Variants in KBTBD4 observed in about 807,000 individuals in gnomAD.
KBTBD4 encodes kelch repeat and BTB domain-containing protein 4.
A neutral mutation model predicts 43.9 loss-of-function variants in KBTBD4; 30 were observed. The ratio of observed to expected loss-of-function variants is 0.68; its 90% CI spans 0.51 to 0.93. The LOEUF is 0.93. KBTBD4 is among the 40% of genes least tolerant of loss of function. The pLI, the probability that KBTBD4 is intolerant of heterozygous loss-of-function variation, is 0.00. For synonymous variants in KBTBD4, 258 were observed against 256.9 expected (o/e 1.00, Z -0.04); for missense variants, 575 against 668.8 (o/e 0.86, Z 1.55).
chr11:47,576,861 G>A (rs974829843), intron 2 of KBTBD4, among the ~76,000 whole-genome samples: 6 of 151,984 alleles, frequency 3.9e-5, no homozygotes, highest in Non-Finnish European at 7.4e-5. Flanking sequence ...ATTTTTTGTG[G>A]AGACGGGATT....
intron 1 of KBTBD4, chr11:47,578,344 A>T: frequency 1.8e-6 from 1 of 568,794 alleles, no homozygotes; most frequent in Non-Finnish European, 3.1e-6. Context: ...ATGAAAGCAA[A>T]GGGCTGGGAG....
intron 2 of KBTBD4, 73 bp downstream of exon 2, chr11:47,577,338 C>T: frequency 6.9e-7 from 1 of 1,445,910 alleles, no homozygotes; most frequent in South Asian, 1.4e-5. Flanking sequence ...GGGTTCTTTT[C>T]TCCTAAACTA....
rs1354986037 is a variant in KBTBD4, at chr11:47,573,534, C to T, written c.1001G>A (p.Arg334Gln). The part of the protein sequence containing the change: ...WEWCAPLPRD[R>Q]LQHTLVSVPG... ...CACAGACACCAGGGTGTGCTGGAGC[C>T]GGTCCCGAGGCAAAGGAGCACACCA... The change falls in exon 4 of 4, where the codon CGG becomes CAG. Residue 334 changes from arginine to glutamine, a missense_variant. By Grantham distance (43) the Arg-to-Gln change is conservative. Transcript: ENST00000430070. The surrounding 1 kb of genome is among the most constrained non-coding windows in gnomAD (Gnocchi z 4.1). 4.3e-6 allele frequency: 7 copies of T among 1,614,034 alleles called. No individual in the cohort carries two copies. The highest frequency in any genetic ancestry group is 2.2e-5 in the East Asian group (1 of 44,898).
At position 47,577,913 on chromosome 11, in the gene KBTBD4, A is replaced by G. The variant is rs927142894; in HGVS notation, c.135T>C (p.Arg45=). Reference sequence around the variant, plus strand: ...ACAGTTTCATGATGCCTTGAGCCACACGGCCTGAATGTGACCGATCTTTGA... The same window carrying G: ...ACAGTTTCATGATGCCTTGAGCCACGCGGCCTGAATGTGACCGATCTTTGA... ...YTFKDRSHSG[R]VAQGIMKLCL... The change falls in exon 2 of 4, where the codon CGT becomes CGC. Residue 45 remains arginine, a synonymous_variant. Coordinates refer to ENST00000430070, the MANE Select transcript of KBTBD4 (RefSeq NM_018095.6). 3.1e-6 allele frequency: 5 copies of G among 1,614,074 alleles called. No individual in the cohort carries two copies. The African/African-American group carries it at 6.7e-5, about 22-fold the overall frequency.
Position 47,573,834 on chromosome 11 carries a change from G to C in KBTBD4, c.745-44C>G. On this transcript the variant is annotated intron_variant, in intron 3 of 3. Coordinates refer to ENST00000430070, the MANE Select transcript of KBTBD4 (RefSeq NM_018095.6). The surrounding 1 kb of genome is among the most constrained non-coding windows in gnomAD (Gnocchi z 4.1). ...TTATATGACAGCTGTTAAATTCTAG[G>C]CTAAGGCTCAGCTAAGACACATATC... is the stretch of plus-strand genomic sequence containing the variant. The C allele has an allele frequency of 6.6e-7, 1 of 1,525,602 alleles. No homozygotes were observed. Among genetic ancestry groups the C allele is most frequent in the Non-Finnish European group, 8.8e-7 (1 of 1,132,404 alleles). 94.5% of individuals were successfully genotyped at this position (1,525,602 alleles called of 1,614,324 possible). A position where few individuals can be genotyped will look rare whatever the true frequency, so the allele number is the denominator to read the frequency against.
chr11:47,573,172 C>G lies in KBTBD4; in HGVS notation c.1363G>C (p.Asp455His). The G allele has an allele frequency of 6.2e-7, 1 of 1,614,176 alleles. No homozygotes were observed. Residue 455 changes from aspartate (D) to histidine (H), a missense_variant, in exon 4 of 4, where the codon GAC becomes CAC. Asp to His is a moderately conservative substitution (Grantham distance 81). Transcript: ENST00000430070. This position sits in a 1 kb window ranked among gnomAD's most constrained non-coding sequence, Gnocchi z 4.1. ...AAGGGATTGTAGCACACCAGGGAGT[C>G]CCCTTCAGCCACGATGAACACCAGA... Reference protein sequence around the residue: ...KDLVFIVAEGDSLVCYNPLLD... With the variant: ...KDLVFIVAEGHSLVCYNPLLD...
chr11:47,575,931 C>A (rs946839079), intron 2 of KBTBD4, among the ~76,000 whole-genome samples: 2 of 150,214 alleles, frequency 1.3e-5, no homozygotes, highest in African/African-American at 4.9e-5. Flanking sequence ...ATCACCATCA[C>A]CATAGCCTCA....
At chr11:47,578,205 C>A (rs1015733902) in intron 1 of KBTBD4, 177 bp from the exon 2 acceptor site, 13 of 648,900 alleles carry the variant, frequency 2.0e-5, no homozygotes, top group Non-Finnish European at 2.1e-5. Flanking sequence ...AATCTGGGTT[C>A]GTTATCCCCA....
In KBTBD4 at chr11:47,572,966, C is replaced by T. The variant is rs760009912; in HGVS notation, c.1569G>A (p.Lys523=). ...TSAVTVTRGI[K]VLLTNLQFVL... ...CAAACTGCAAATTGGTAAGCAGCAC[C>T]TTAATACCTCTTGTGACAGTTACGG... Residue 523 remains lysine (K), a synonymous_variant, in exon 4 of 4, where the codon AAG becomes AAA. Coordinates refer to ENST00000430070, the MANE Select transcript of KBTBD4 (RefSeq NM_018095.6). The T allele has an allele frequency of 1.2e-6, 2 of 1,614,152 alleles. No homozygotes were observed. Among genetic ancestry groups the T allele is most frequent in the South Asian group, 1.1e-5 (1 of 91,074 alleles).
chr11:47,576,006 C>T (rs532138301), intron 2 of KBTBD4, among the ~76,000 whole-genome samples: 1 of 151,958 alleles, frequency 6.6e-6, no homozygotes, highest in South Asian at 2.1e-4. Flanking sequence ...GTGTGCACCA[C>T]CACGCCTGGC....
chr11:47,573,314 G>A lies in KBTBD4; in HGVS notation c.1221C>T (p.Asp407=). The change falls in exon 4 of 4, where the codon GAC becomes GAT. Residue 407 remains aspartate, a synonymous_variant. Coordinates refer to ENST00000430070, the MANE Select transcript of KBTBD4 (RefSeq NM_018095.6). This position sits in a 1 kb window ranked among gnomAD's most constrained non-coding sequence, Gnocchi z 4.1. ...TGAGTCGGGAAGGTTTGGTAAAGAA[G>A]TCCAGATCATTCTCCTCCCCCCCTA... The part of the protein sequence containing the change: ...YLLGGEENDL[D]FFTKPSRLIQ... The A allele has an allele frequency of 6.2e-7, 1 of 1,614,184 alleles. No individual in the cohort carries two copies. Among genetic ancestry groups the A allele is most frequent in the Non-Finnish European group, 8.5e-7 (1 of 1,180,042 alleles).
In KBTBD4 at chr11:47,573,143, T is replaced by C. The variant is rs2097252470; in HGVS notation, c.1392A>G (p.Leu464=). The C allele has an allele frequency of 6.2e-7, 1 of 1,614,054 alleles. No homozygotes were observed. The highest frequency in any genetic ancestry group is 1.3e-5 in the African/African-American group (1 of 74,920). Residue 464 remains leucine (L), a synonymous_variant, in exon 4 of 4, where the codon CTA becomes CTG. Transcript: ENST00000430070. The surrounding 1 kb of genome is among the most constrained non-coding windows in gnomAD (Gnocchi z 4.1). ...GDSLVCYNPL[L]DSFTRLCLPE... ...GAAGGCAAAGCCGGGTGAAGCTGTCTAGCAAGGGATTGTAGCACACCAGGG... is the reference window on the plus strand; with the variant it reads ...GAAGGCAAAGCCGGGTGAAGCTGTCCAGCAAGGGATTGTAGCACACCAGGG...
chr11:47,573,385 C>T lies in KBTBD4; in HGVS notation c.1150G>A (p.Val384Met), dbSNP rs758643174. The change falls in exon 4 of 4, where the codon GTG (valine) becomes ATG (methionine). Residue 384 changes from valine (V) to methionine (M), a missense_variant. Physicochemically the swap from Val to Met is conservative, Grantham distance 21 (BLOSUM62 1). Transcript: ENST00000430070. The surrounding 1 kb of genome is among the most constrained non-coding windows in gnomAD (Gnocchi z 4.1). ...WTETTQLEVA[V>M]SGAAGANLNG... ...AGGTTGGCACCAGCAGCCCCTGACA[C>T]AGCCACCTCTAGCTGAGTTGTCTCT... The T allele has an allele frequency of 4.3e-6, 7 of 1,614,122 alleles. No homozygotes were observed. The highest frequency in any genetic ancestry group is 5.9e-6 in the Non-Finnish European group (7 of 1,180,050).
rs2097252008 is a variant in KBTBD4 at position 47,572,983 on chromosome 11, C to T, written c.1552G>A (p.Val518Ile). 1.9e-6 allele frequency: 3 copies of T among 1,614,070 alleles called. No homozygotes were observed. The Admixed American group carries it at 5.0e-5, about 27-fold the overall frequency. Residue 518 changes from valine (V) to isoleucine (I), a missense_variant, in exon 4 of 4, where the codon GTC becomes ATC. Transcript: ENST00000430070. ...KLDPATSAVT[V>I]TRGIKVLLTN... The stretch of plus-strand genomic sequence containing the variant: ...AGCAGCACCTTAATACCTCTTGTGA[C>T]AGTTACGGCTGAAGTGGCAGGGTCA...
At chr11:47,575,988 G>C (rs1429895112) in intron 2 of KBTBD4, among the ~76,000 whole-genome samples, 1 of 151,648 alleles carries the variant, frequency 6.6e-6, no homozygotes, top group South Asian at 2.1e-4. Flanking sequence ...AAGTAGCTGG[G>C]ACTACAGGTG....
At position 47,578,016 on chromosome 11, in the gene KBTBD4, C is replaced by G. The variant is rs774601806; in HGVS notation, c.32G>C (p.Arg11Thr). ...TGATTCCATGCTAGCCAACTTCTCT[C>G]TCTGCCAGCTGTCTGCAAAGCAACA... is the stretch of plus-strand genomic sequence containing the variant. MKGGNADSWQREKLASMESPE... is the reference protein window; with the variant it reads MKGGNADSWQTEKLASMESPE... The change falls in exon 2 of 4, where the codon AGA becomes ACA. Residue 11 changes from arginine to threonine, a missense_variant. Physicochemically the swap from Arg to Thr is moderately conservative, Grantham distance 71. Transcript: ENST00000430070. The G allele has an allele frequency of 6.2e-7, 1 of 1,614,202 alleles. No individual in the cohort carries two copies. The highest frequency in any genetic ancestry group is 1.1e-5 in the South Asian group (1 of 91,086).
intron 1 of KBTBD4, 69 bp from the exon 2 acceptor site, chr11:47,578,097 A>G (rs754097021): frequency 1.3e-6 from 2 of 1,565,640 alleles, no homozygotes; most frequent in African/African-American, 1.4e-5. Flanking sequence ...CAACTGTCCA[A>G]CTCAGGGAGG....
At chr11:47,578,419 G>A (rs2097264454) in intron 1 of KBTBD4, 1 of 569,052 alleles carries the variant, frequency 1.8e-6, no homozygotes, top group East Asian at 3.0e-5. Context: ...GAAGCTCAGG[G>A]GCAGTAGAAT....
In KBTBD4 at chr11:47,577,309, C is replaced by CT. The variant is rs987479459; in HGVS notation, c.637+101dup. The CT allele has an allele frequency of 7.6e-6, 9 of 1,180,028 alleles. No homozygotes were observed. In the African/African-American group the frequency reaches 1.1e-4, roughly 14 times the overall value. The allele number at this position is 1,180,028 out of a possible 1,614,324, so 73.1% of individuals were successfully genotyped here. ...AAGAATGCAGGAATAATAATGTAAA[C>CT]TAACACCAGGAAGCTTGAGGGTTCT... On this transcript the variant is annotated intron_variant, in intron 2 of 3. Coordinates refer to ENST00000430070, the MANE Select transcript of KBTBD4 (RefSeq NM_018095.6).
Sources: allele counts gnomAD v4.1 joint callset (sites outside exome capture counted in the v4.1 genomes callset), GRCh38; gene constraint gnomAD v4.1.1; non-coding constraint Gnocchi (gnomAD v3.1); transcripts MANE v1.5; gene names NCBI Gene and HGNC (gene_info 2026-07-23, HGNC 2026-07-21).